CRLF3: variants seen among roughly 807,000 people sequenced by gnomAD.
CRLF3 encodes cytokine receptor-like factor 3.
In CRLF3, 33 loss-of-function variants were observed where a neutral mutation model predicts 55.0. The observed-to-expected ratio is 0.60, with a 90% CI of 0.46 to 0.80. The LOEUF (loss-of-function observed/expected upper bound fraction) is 0.80, where lower values mean the gene tolerates loss of function less well. CRLF3 is among the 30% of genes least tolerant of loss of function. The pLI is 0.00. For synonymous variants in CRLF3, 238 were observed against 196.8 expected (o/e 1.21, Z -1.75); for missense variants, 494 against 538.4 (o/e 0.92, Z 0.82).
intron 2 of CRLF3, 118 bp downstream of exon 2, chr17:30,803,783 G>A (rs761148577): frequency 1.3e-6 from 1 of 777,432 alleles, no homozygotes; most frequent in African/African-American, 1.7e-5. Context: ...CCAGCCACAT[G>A]GAACTGTAAG....
At position 30,794,760 on chromosome 17, in the gene CRLF3, C is replaced by A. The variant is rs1183127584; in HGVS notation, c.604-1088G>T. 2.0e-5 allele frequency among the ~76,000 whole-genome samples: 3 copies of A among 152,242 alleles called. No individual in the cohort carries two copies. In the South Asian group the frequency reaches 6.2e-4, roughly 32 times the overall value. On this transcript the variant is annotated intron_variant, in intron 4 of 7. Transcript: ENST00000324238. The stretch of plus-strand genomic sequence containing the variant: ...CTGGAGACATGATTGTGCCACTGTA[C>A]TCCAGCCTGGGTGACAGAGTGAGAC...
intron 4 of CRLF3, among the ~76,000 whole-genome samples, chr17:30,794,161 G>A (rs558767119): frequency 6.6e-6 from 1 of 152,194 alleles, no homozygotes; most frequent in East Asian, 1.9e-4. Flanking sequence ...TGAACCATGT[G>A]TTCTGTATTT....
At chr17:30,795,790 G>A (rs1239062918) in intron 4 of CRLF3, among the ~76,000 whole-genome samples, 1 of 152,004 alleles carries the variant, frequency 6.6e-6, no homozygotes, top group African/African-American at 2.4e-5. Flanking sequence ...ACAAAAATTA[G>A]GCAGGTGTGA....
Position 30,783,332 on chromosome 17 carries a change from A to G in CRLF3, c.*855T>C, listed in dbSNP as rs1189115788. ...GTCAAGCATTTAAAAAAATACAAAA[A>G]TTGGTCCACTGCAGTGGCTCACACC... On this transcript the variant is annotated 3_prime_UTR_variant, in exon 8 of 8. Transcript: ENST00000324238. The G allele has an allele frequency of 6.6e-6, 1 of 152,162 alleles. No individual in the cohort carries two copies. The highest frequency in any genetic ancestry group is 1.5e-5 in the Non-Finnish European group (1 of 68,052). 9.4% of individuals were successfully genotyped at this position (152,162 alleles called of 1,614,324 possible). A position where few individuals can be genotyped will look rare whatever the true frequency, so the allele number is the denominator to read the frequency against.
At chr17:30,808,237 A>T (rs1904481439) in intron 1 of CRLF3, among the ~76,000 whole-genome samples, 1 of 149,670 alleles carries the variant, frequency 6.7e-6, no homozygotes, top group African/African-American at 2.5e-5. Context: ...AAATCAGAAC[A>T]TGAATTTTTT....
At chr17:30,791,775 C>CAA (rs1312798333) in intron 6 of CRLF3, among the ~76,000 whole-genome samples, 5 of 152,014 alleles carry the variant, frequency 3.3e-5, no homozygotes, top group African/African-American at 9.7e-5. Context: ...CTCAGCCTCC[C>CAA]AAAGTGCTGG....
chr17:30,795,644 A>T (rs976387864), intron 4 of CRLF3, among the ~76,000 whole-genome samples: 8 of 148,318 alleles, frequency 5.4e-5, no homozygotes, highest in Admixed American at 2.0e-4. Context: ...GGCTTCATTT[A>T]AAAAAAAAAG....
intron 4 of CRLF3, among the ~76,000 whole-genome samples, chr17:30,795,602 A>G (rs1445961013): frequency 1.3e-5 from 2 of 151,888 alleles, no homozygotes; most frequent in Non-Finnish European, 2.9e-5. Context: ...CGGAGGTTGC[A>G]TCGCTGCACT....
chr17:30,823,010 G>A (rs1182365505), intron 1 of CRLF3, among the ~76,000 whole-genome samples: 2 of 152,042 alleles, frequency 1.3e-5, no homozygotes, highest in Admixed American at 6.6e-5. Flanking sequence ...TTCTGCTTCC[G>A]GTTTCGCCAC....
At chr17:30,792,169 A>ACTCTACTTAC (rs1174396549) in intron 6 of CRLF3, among the ~76,000 whole-genome samples, 1 of 151,790 alleles carries the variant, frequency 6.6e-6, no homozygotes, top group Non-Finnish European at 1.5e-5. Flanking sequence ...TTTGAGAGAT[A>ACTCTACTTAC]CTCTACTTAC....
intron 6 of CRLF3, 155 bp downstream of exon 6, chr17:30,792,285 A>G: frequency 3.4e-6 from 2 of 591,036 alleles, no homozygotes; most frequent in South Asian, 2.7e-5. Flanking sequence ...CAGATGAGAA[A>G]ACTACAGCTA....
intron 1 of CRLF3, among the ~76,000 whole-genome samples, chr17:30,808,394 T>C (rs976965594): frequency 3.1e-4 from 46 of 149,898 alleles, no homozygotes; most frequent in African/African-American, 1.1e-3. Context: ...TTCAAGTGAT[T>C]CTCCTGTCTC....
chr17:30,796,117 A>T, intron 4 of CRLF3, 43 bp downstream of exon 4: 1 of 1,408,212 alleles, frequency 7.1e-7, no homozygotes, highest in Admixed American at 2.4e-5. Flanking sequence ...CAAATCGCAA[A>T]CCCATAATGT....
intron 2 of CRLF3, among the ~76,000 whole-genome samples, chr17:30,803,351 C>T (rs752674749): frequency 1.3e-5 from 2 of 152,128 alleles, no homozygotes; most frequent in Non-Finnish European, 2.9e-5. Flanking sequence ...ACTAACACTT[C>T]AACTGCACTT....
chr17:30,824,283 T>C (rs1905075311), intron 1 of CRLF3, among the ~76,000 whole-genome samples: 1 of 151,230 alleles, frequency 6.6e-6, no homozygotes, highest in Non-Finnish European at 1.5e-5. Flanking sequence ...CTCCCATCGC[T>C]GCCCCACAGT....
intron 2 of CRLF3, chr17:30,803,657 C>T: frequency 4.3e-6 from 2 of 469,536 alleles, no homozygotes; most frequent in South Asian, 2.3e-5. Context: ...GTGAATAACT[C>T]TCATGAGATC....
Position 30,784,430 on chromosome 17 carries a change from G to T in CRLF3, c.1086C>A (p.Val362=). Reference sequence around the variant, plus strand: ...ACTGATTTGTCATTTCTTTTCCATTGACAAAAACTGCACCTAAAATGTTAA... The same window carrying T: ...ACTGATTTGTCATTTCTTTTCCATTTACAAAAACTGCACCTAAAATGTTAA... ...VCISTNGAVF[V]NGKEMTNQLP... Residue 362 remains valine (V), a synonymous_variant, in exon 8 of 8, where the codon GTC becomes GTA. Transcript: ENST00000324238. The T allele has an allele frequency of 1.2e-6, 2 of 1,611,700 alleles. No individual in the cohort carries two copies. Among genetic ancestry groups the T allele is most frequent in the Non-Finnish European group, 1.7e-6 (2 of 1,178,132 alleles).
chr17:30,787,574 C>T (rs1971677296), intron 6 of CRLF3: 1 of 151,762 alleles, frequency 6.6e-6, no homozygotes, highest in South Asian at 2.1e-4. Flanking sequence ...GTGGCTTTTC[C>T]AAAGACAGAT....
chr17:30,793,397 C>G (rs1971854621), intron 5 of CRLF3, 53 bp downstream of exon 5: 1 of 1,397,396 alleles, frequency 7.2e-7, no homozygotes. Context: ...GCACAGAATA[C>G]AGGTATTCTA....
Sources: allele counts gnomAD v4.1 joint callset (sites outside exome capture counted in the v4.1 genomes callset), GRCh38; gene constraint gnomAD v4.1.1; transcripts MANE v1.5; gene names NCBI Gene and HGNC (gene_info 2026-07-23, HGNC 2026-07-21).